Variants in PDE4D observed in about 807,000 individuals in gnomAD.
The protein encoded by PDE4D is 3',5'-cyclic-AMP phosphodiesterase 4D.
A neutral mutation model predicts 87.4 loss-of-function variants in PDE4D; 24 were observed. That is an observed-to-expected ratio of 0.27 (90% CI 0.20 to 0.39). The LOEUF is 0.39. Ranked by LOEUF, PDE4D falls within the 10% of genes least tolerant of loss-of-function variation. The pLI, the probability that PDE4D is intolerant of heterozygous loss-of-function variation, is 1.00. For synonymous variants in PDE4D, 384 were observed against 383.2 expected, an observed-to-expected ratio of 1.00 and a Z score of -0.02; for missense variants, 714 against 1,041.0, an observed-to-expected ratio of 0.69 and a Z score of 4.32.
At chr5:60,240,637 G>A (rs966252431) in intron 1 of PDE4D, among the ~76,000 whole-genome samples, 3 of 152,084 alleles carry the variant, frequency 2.0e-5, no homozygotes, top group East Asian at 1.9e-4. Context: ...CAACAGGCAC[G>A]CTTCTGTCAC....
chr5:59,768,376 G>A, intron 1 of PDE4D: 2 of 1,598,408 alleles, frequency 1.3e-6, no homozygotes, highest in Admixed American at 3.3e-5. Flanking sequence ...TTTCCTCGCT[G>A]TCTTGGACTT....
chr5:59,932,817 T>C (rs1756118760), intron 3 of PDE4D, among the ~76,000 whole-genome samples: 1 of 152,186 alleles, frequency 6.6e-6, no homozygotes, highest in African/African-American at 2.4e-5. Context: ...ATGAAGAGAT[T>C]AGTCAACAAA....
intron 1 of PDE4D, among the ~76,000 whole-genome samples, chr5:59,815,451 C>T (rs544835410): frequency 2.0e-4 from 31 of 152,156 alleles, no homozygotes; most frequent in East Asian, 7.7e-4. Flanking sequence ...TGCTGGGTTC[C>T]GAGTTGGCTG....
intron 1 of PDE4D, among the ~76,000 whole-genome samples, chr5:60,408,085 T>C (rs1741722012): frequency 6.6e-6 from 1 of 152,160 alleles, no homozygotes; most frequent in Non-Finnish European, 1.5e-5. Flanking sequence ...GGAGCCATCC[T>C]GATCACCAGA....
chr5:60,050,253 C>T (rs1203050649), intron 2 of PDE4D, among the ~76,000 whole-genome samples: 2 of 152,114 alleles, frequency 1.3e-5, no homozygotes, highest in Non-Finnish European at 2.9e-5. Context: ...CACTGACCTG[C>T]GCCCACTGTC....
chr5:59,752,480 T>C (rs942164839), intron 1 of PDE4D, among the ~76,000 whole-genome samples: 1 of 152,166 alleles, frequency 6.6e-6, no homozygotes, highest in Admixed American at 6.5e-5. Flanking sequence ...AACCTCTTTG[T>C]ATATCACAAG....
At chr5:59,421,768 A>G (rs1794516101) in intron 1 of PDE4D, among the ~76,000 whole-genome samples, 1 of 152,180 alleles carries the variant, frequency 6.6e-6, no homozygotes, top group Non-Finnish European at 1.5e-5. Context: ...TTTTTTAAAT[A>G]AAGAACTCAT....
chr5:60,257,232 G>T (rs1361547042), intron 1 of PDE4D, among the ~76,000 whole-genome samples: 29 of 115,990 alleles, frequency 2.5e-4, no homozygotes, highest in South Asian at 5.1e-4. Flanking sequence ...GAGAAAGAAA[G>T]AAAGAAAGAA....
At chr5:60,333,812 G>A in intron 1 of PDE4D, among the ~76,000 whole-genome samples, 1 of 151,872 alleles carries the variant, frequency 6.6e-6, no homozygotes, top group Non-Finnish European at 1.5e-5. Flanking sequence ...ATTTCCACAA[G>A]CAAACTTCAG....
intron 1 of PDE4D, among the ~76,000 whole-genome samples, chr5:60,328,222 C>T (rs1756982290): frequency 6.6e-6 from 1 of 152,106 alleles, no homozygotes; most frequent in Admixed American, 6.6e-5. Flanking sequence ...GTGTGGTTGG[C>T]AGCACCTAGG....
chr5:60,339,895 T>C (rs1758154708), intron 1 of PDE4D, among the ~76,000 whole-genome samples: 1 of 152,254 alleles, frequency 6.6e-6, no homozygotes, highest in African/African-American at 2.4e-5. Flanking sequence ...ACTCAGCATG[T>C]GCAGTTGGAA....
chr5:60,099,308 C>T (rs1307615400), intron 2 of PDE4D, among the ~76,000 whole-genome samples: 1 of 151,824 alleles, frequency 6.6e-6, no homozygotes, highest in Non-Finnish European at 1.5e-5. Context: ...TTGCCTGGAG[C>T]ATTTGAGCCT....
At chr5:59,857,035 CCAAA>C (rs1241244237) in intron 1 of PDE4D, among the ~76,000 whole-genome samples, 1 of 152,152 alleles carries the variant, frequency 6.6e-6, no homozygotes, top group East Asian at 1.9e-4. Context: ...TCCTGGTTGC[CCAAA>C]CAATCTCTTC....
intron 1 of PDE4D, among the ~76,000 whole-genome samples, chr5:59,235,841 C>T (rs569146043): frequency 1.7e-4 from 26 of 152,156 alleles, no homozygotes; most frequent in African/African-American, 5.3e-4. Context: ...TATTGTAATG[C>T]TTTATAGTGT....
chr5:60,114,252 C>T (rs1249079170), intron 2 of PDE4D, among the ~76,000 whole-genome samples: 1 of 152,094 alleles, frequency 6.6e-6, no homozygotes, highest in East Asian at 1.9e-4. Context: ...AAGATGGCAA[C>T]TTAGTTTTTA....
intron 1 of PDE4D, among the ~76,000 whole-genome samples, chr5:59,438,671 T>TA (rs928626179): frequency 1.5e-4 from 23 of 152,258 alleles, no homozygotes; most frequent in African/African-American, 4.8e-4. Flanking sequence ...ACTGCACACT[T>TA]ACAATGTTGC....
chr5:59,560,058 AAT>A (rs201699273), intron 1 of PDE4D, among the ~76,000 whole-genome samples: 2,643 of 152,286 alleles, frequency 0.017, 86 homozygotes, highest in African/African-American at 0.06. Context: ...CTTGTTTTGC[AAT>A]GTTTCTGAAA....
chr5:59,655,062 G>A (rs1054377870), intron 1 of PDE4D, among the ~76,000 whole-genome samples: 3 of 151,686 alleles, frequency 2.0e-5, no homozygotes, highest in African/African-American at 7.3e-5. Flanking sequence ...CCTAGAAGTA[G>A]AATTGCTGGA....
At chr5:59,510,782 A>G (rs1409326754) in intron 1 of PDE4D, among the ~76,000 whole-genome samples, 1 of 151,914 alleles carries the variant, frequency 6.6e-6, no homozygotes, top group East Asian at 1.9e-4. Context: ...AAAACTCTTT[A>G]GTTAAGTGAA....
Sources: allele counts gnomAD v4.1 joint callset (sites outside exome capture counted in the v4.1 genomes callset), GRCh38; gene constraint gnomAD v4.1.1; transcripts MANE v1.5; gene names NCBI Gene and HGNC (gene_info 2026-07-23, HGNC 2026-07-21).